ARAP2: variants seen among roughly 807,000 people sequenced by gnomAD.
ARAP2 encodes arf-GAP with Rho-GAP domain, ANK repeat and PH domain-containing protein 2.
ARAP2 carries 148 observed loss-of-function variants against 194.5 expected under a neutral mutation model. That is an observed-to-expected ratio of 0.76 (90% confidence interval 0.67 to 0.87). The LOEUF (loss-of-function observed/expected upper bound fraction) is 0.87. Ranked by LOEUF, ARAP2 falls within the 40% of genes least tolerant of loss-of-function variation. The pLI is 0.00. For missense variants in ARAP2, 2,128 were observed against 1,989.7 expected, an observed-to-expected ratio of 1.07 and a Z score of -1.32; for synonymous variants, 695 against 683.5, an observed-to-expected ratio of 1.02 and a Z score of -0.26.
At chr4:36,211,154 C>G (rs1235962454) in intron 5 of ARAP2, among the ~76,000 whole-genome samples, 1 of 152,090 alleles carries the variant, frequency 6.6e-6, no homozygotes, top group East Asian at 1.9e-4. Flanking sequence ...TTCCAATTTG[C>G]TTACCCCTCT....
At chr4:36,193,114 CA>C (rs1365149678) in intron 7 of ARAP2, among the ~76,000 whole-genome samples, 1 of 152,200 alleles carries the variant, frequency 6.6e-6, no homozygotes, top group African/African-American at 2.4e-5. Context: ...TGAAACCAAA[CA>C]ATTAACACCT....
chr4:36,023,174 T>A (rs1247531731), intron 5 of ARAP2, among the ~76,000 whole-genome samples: 1 of 152,186 alleles, frequency 6.6e-6, no homozygotes, highest in Non-Finnish European at 1.5e-5. Context: ...CTAACTAGGC[T>A]GCCTGTGATT....
intron 5 of ARAP2, among the ~76,000 whole-genome samples, chr4:36,024,228 T>C (rs532302918): frequency 5.3e-5 from 8 of 152,286 alleles, no homozygotes; most frequent in East Asian, 1.9e-4. Context: ...CTTCCAAAAG[T>C]TGATCAAGTC....
chr4:36,088,290 G>A (rs944075267), intron 28 of ARAP2, among the ~76,000 whole-genome samples: 1 of 151,964 alleles, frequency 6.6e-6, no homozygotes, highest in African/African-American at 2.4e-5. Flanking sequence ...AAGGTGGGCG[G>A]TCCACTGCAC....
At chr4:36,083,277 A>T (rs1181682602) in intron 29 of ARAP2, 91 bp downstream of exon 29, 2 of 930,638 alleles carry the variant, frequency 2.1e-6, no homozygotes, top group African/African-American at 3.4e-5. Flanking sequence ...CTTTATAAAA[A>T]GTTAGACTAA....
chr4:36,166,326 CTA>C (rs1735280188), intron 10 of ARAP2, among the ~76,000 whole-genome samples: 1 of 152,032 alleles, frequency 6.6e-6, no homozygotes, highest in Admixed American at 6.6e-5. Flanking sequence ...TATACTAAAA[CTA>C]TAGAGTCATT....
intron 9 of ARAP2, among the ~76,000 whole-genome samples, chr4:36,177,028 G>A (rs1442152783): frequency 6.6e-6 from 1 of 151,414 alleles, no homozygotes; most frequent in African/African-American, 2.4e-5. Flanking sequence ...GATTTTAAAA[G>A]GAGTTCTTCC....
chr4:36,080,659 G>A (rs1236634582), intron 30 of ARAP2, among the ~76,000 whole-genome samples: 1 of 152,160 alleles, frequency 6.6e-6, no homozygotes, highest in Non-Finnish European at 1.5e-5. Flanking sequence ...ATCCTCATAA[G>A]AGCAGATCTT....
chr4:36,162,397 T>C (rs1440089897), intron 11 of ARAP2, among the ~76,000 whole-genome samples: 2 of 152,132 alleles, frequency 1.3e-5, no homozygotes, highest in African/African-American at 4.8e-5. Flanking sequence ...TGGAAGAAAG[T>C]AAGAGCCCAG....
chr4:36,076,817 G>T (rs552616934), intron 31 of ARAP2, among the ~76,000 whole-genome samples: 1 of 152,128 alleles, frequency 6.6e-6, no homozygotes, highest in Admixed American at 6.6e-5. Context: ...TATCTAATAG[G>T]CATCTCAAAT....
chr4:36,108,089 G>A (rs963232608), intron 26 of ARAP2, among the ~76,000 whole-genome samples: 2 of 151,814 alleles, frequency 1.3e-5, no homozygotes, highest in Non-Finnish European at 2.9e-5. Context: ...CTGGAGTGCA[G>A]TGATGCAATC....
intron 24 of ARAP2, among the ~76,000 whole-genome samples, chr4:36,118,290 T>TAA (rs71653572): frequency 0.023 from 2,719 of 119,598 alleles, 41 homozygotes; most frequent in South Asian, 0.056. Flanking sequence ...CTTAAAAAGT[T>TAA]AAAAAAAAAA....
chr4:36,193,246 A>G (rs1447469669), intron 7 of ARAP2, among the ~76,000 whole-genome samples: 2 of 152,220 alleles, frequency 1.3e-5, no homozygotes, highest in South Asian at 2.1e-4. Flanking sequence ...AATATATAAA[A>G]AGAAGGCTAA....
chr4:36,091,269 C>G (rs184457694), intron 28 of ARAP2, among the ~76,000 whole-genome samples: 1 of 152,274 alleles, frequency 6.6e-6, no homozygotes, highest in South Asian at 2.1e-4. Flanking sequence ...CAGCTCTTCA[C>G]AGAGATGAGA....
chr4:36,088,178 T>C (rs1712449932), intron 28 of ARAP2, among the ~76,000 whole-genome samples: 1 of 152,082 alleles, frequency 6.6e-6, no homozygotes, highest in African/African-American at 2.4e-5. Flanking sequence ...GATGAAAAAG[T>C]TCAGGTTGAT....
chr4:36,090,649 C>G (rs1713352258), intron 28 of ARAP2, among the ~76,000 whole-genome samples: 2 of 152,070 alleles, frequency 1.3e-5, no homozygotes, highest in South Asian at 4.1e-4. Flanking sequence ...CGTTGGCAAA[C>G]TAGCATGGAA....
intron 5 of ARAP2, among the ~76,000 whole-genome samples, chr4:36,211,184 T>C (rs750398627): frequency 9.2e-5 from 14 of 152,008 alleles, no homozygotes; most frequent in African/African-American, 1.4e-4. Flanking sequence ...TCTAATCAAC[T>C]CCAAGGACCC....
At chr4:36,134,622 T>G (rs1238201867) in intron 19 of ARAP2, among the ~76,000 whole-genome samples, 4 of 151,564 alleles carry the variant, frequency 2.6e-5, no homozygotes, top group African/African-American at 9.7e-5. Context: ...TGTCTTACAG[T>G]TCTTGAGTTT....
At chr4:36,156,196 T>A (rs905581910) in intron 15 of ARAP2, among the ~76,000 whole-genome samples, 3 of 151,006 alleles carry the variant, frequency 2.0e-5, no homozygotes, top group African/African-American at 7.3e-5. Flanking sequence ...GCAGGATAAT[T>A]ACTTGAACCC....
Sources: allele counts gnomAD v4.1 joint callset (sites outside exome capture counted in the v4.1 genomes callset), GRCh38; gene constraint gnomAD v4.1.1; transcripts MANE v1.5; gene names NCBI Gene and HGNC (gene_info 2026-07-23, HGNC 2026-07-21).